FBLN2: variants seen among roughly 807,000 people sequenced by gnomAD.
FBLN2 encodes the protein fibulin 2.
A neutral mutation model predicts 123.7 loss-of-function variants in FBLN2; 81 were observed. That is an observed-to-expected ratio of 0.65 (90% confidence interval 0.55 to 0.79). FBLN2 has a LOEUF of 0.79. FBLN2 is among the 30% of genes least tolerant of loss of function. The probability of loss-of-function intolerance (pLI) is 0.00; values close to 1 mark genes in which losing one functional copy is unlikely to be tolerated. For synonymous variants in FBLN2, 699 were observed against 701.4 expected (o/e 1.00, Z 0.05); for missense variants, 1,603 against 1,681.3 (o/e 0.95, Z 0.81).
intron 2 of FBLN2, among the ~76,000 whole-genome samples, chr3:13,595,122 C>A (rs1050836101): frequency 2.1e-4 from 32 of 152,154 alleles, no homozygotes; most frequent in African/African-American, 7.5e-4. Context: ...AGGGAAGATA[C>A]CGTGGGTGCA....
chr3:13,592,362 A>G (rs942856518), intron 2 of FBLN2, among the ~76,000 whole-genome samples: 5 of 152,052 alleles, frequency 3.3e-5, no homozygotes, highest in Admixed American at 2.0e-4. Flanking sequence ...TCCATTATCT[A>G]TCTTTGCACC....
chr3:13,614,193 A>C, intron 5 of FBLN2, 29 bp downstream of exon 5: 1 of 1,600,292 alleles, frequency 6.2e-7, no homozygotes, highest in African/African-American at 1.3e-5. Flanking sequence ...TGGCTGCGGC[A>C]TATAGGGCGA....
rs1192841911 is a variant in FBLN2, at chr3:13,637,761, C to T, written c.3538C>T (p.Arg1180Cys). 2 of 1,613,936 alleles carry T rather than the reference C, an allele frequency of 1.2e-6. No individual in the cohort carries two copies. The highest frequency in any genetic ancestry group is 1.7e-5 in the Admixed American group (1 of 60,028). Residue 1180 changes from arginine to cysteine, a missense_variant, in exon 18 of 18, where the codon CGC becomes TGC. Arg to Cys is a radical substitution (Grantham distance 180). Transcript: ENST00000404922. ...CAATGAGGAGGGCTACTTTGGCACG[C>T]GCAGGCTCAATGCCTACACGGGTGT... ...KGNEEGYFGT[R>C]RLNAYTGVVY...
At chr3:13,560,751 T>G (rs1194187482) in intron 1 of FBLN2, among the ~76,000 whole-genome samples, 1 of 152,224 alleles carries the variant, frequency 6.6e-6, no homozygotes, top group Non-Finnish European at 1.5e-5. Flanking sequence ...CTTCTCTGGC[T>G]TTTGTTTCCT....
At chr3:13,602,798 T>C (rs1705075790) in intron 2 of FBLN2, among the ~76,000 whole-genome samples, 1 of 152,234 alleles carries the variant, frequency 6.6e-6, no homozygotes, top group Non-Finnish European at 1.5e-5. Context: ...ATTCTAATAC[T>C]TTGTGAGTTT....
chr3:13,593,094 G>C (rs1206868579), intron 2 of FBLN2, among the ~76,000 whole-genome samples: 1 of 152,218 alleles, frequency 6.6e-6, no homozygotes, highest in African/African-American at 2.4e-5. Context: ...TAGTCACGAG[G>C]TCAGCCCAGA....
intron 4 of FBLN2, among the ~76,000 whole-genome samples, chr3:13,610,335 G>A (rs9863413): frequency 0.21 from 32,331 of 152,084 alleles, 4,234 homozygotes; most frequent in African/African-American, 0.37. Context: ...GACCCCATGG[G>A]GAGTTTGAGG....
intron 16 of FBLN2, 28 bp downstream of exon 16, chr3:13,631,485 C>A (rs572552516): frequency 3.8e-5 from 59 of 1,564,844 alleles, no homozygotes; most frequent in Non-Finnish European, 5.1e-5. Flanking sequence ...CACGCCCCCG[C>A]CTCCATCAGG....
chr3:13,621,683 T>C (rs1705855875), intron 8 of FBLN2, 92 bp from the exon 9 acceptor site: 10 of 1,428,396 alleles, frequency 7.0e-6, no homozygotes, highest in Admixed American at 3.7e-5. Context: ...CCCTGCCCCT[T>C]GCTGGGTCTC....
At chr3:13,577,860 A>G (rs1704200423) in intron 2 of FBLN2, among the ~76,000 whole-genome samples, 1 of 152,230 alleles carries the variant, frequency 6.6e-6, no homozygotes, top group Admixed American at 6.5e-5. Context: ...CATCTGTCAG[A>G]AACAGCAAGT....
In FBLN2 at chr3:13,627,887, G is replaced by A. The variant is rs1285244288; in HGVS notation, c.2487G>A (p.Gln829=). 6.2e-7 allele frequency: 1 copy of A among 1,613,730 alleles called. No homozygotes were observed. The highest frequency in any genetic ancestry group is 8.5e-7 in the Non-Finnish European group (1 of 1,179,858). The change falls in exon 11 of 18, where the codon CAG becomes CAA. Residue 829 remains glutamine (Q), a synonymous_variant. Coordinates refer to ENST00000404922, the MANE Select transcript of FBLN2 (RefSeq NM_001004019.2). ...THTCQPGFLC[Q]NTKGSFYCQA... ...CCTGCCAGCCGGGCTTCTTGTGCCA[G>A]AACACCAAGGGCTCCTTCTACTGCC...
chr3:13,627,782 A>C, intron 10 of FBLN2, 50 bp from the exon 11 acceptor site: 1 of 1,568,890 alleles, frequency 6.4e-7, no homozygotes, highest in Non-Finnish European at 8.6e-7. Context: ...TGCTGAGTGT[A>C]AAGGCAGGAC....
chr3:13,603,698 C>A (rs181513958), intron 2 of FBLN2, among the ~76,000 whole-genome samples: 322 of 152,204 alleles, frequency 2.1e-3, no homozygotes, highest in Non-Finnish European at 3.8e-3. Context: ...AGTAAATATA[C>A]GTGTGCATGT....
At position 13,549,149 on chromosome 3, in the gene FBLN2, C is replaced by G. The variant is rs1246729187; in HGVS notation, c.-101C>G. On this transcript the variant is annotated 5_prime_UTR_variant, in exon 1 of 18. Coordinates refer to ENST00000404922, the MANE Select transcript of FBLN2 (RefSeq NM_001004019.2). ...CGCACACAGCCAGGGGCCGCCCGGG[C>G]TCTCGACGCGCCGACGGCCGGGCGG... The G allele has an allele frequency of 1.0e-6, 1 of 982,878 alleles. No individual in the cohort carries two copies. Among genetic ancestry groups the G allele is most frequent in the Admixed American group, 6.2e-5 (1 of 16,068 alleles). 60.9% of individuals were successfully genotyped at this position (982,878 alleles called of 1,614,324 possible).
At chr3:13,636,260 T>C (rs917013549) in intron 16 of FBLN2, among the ~76,000 whole-genome samples, 185 bp from the exon 17 acceptor site, 3 of 152,170 alleles carry the variant, frequency 2.0e-5, no homozygotes, top group East Asian at 1.9e-4. Flanking sequence ...ATTGACACTT[T>C]AGAGCCAGGC....
chr3:13,603,804 A>G (rs1275401429), intron 2 of FBLN2, among the ~76,000 whole-genome samples: 1 of 152,230 alleles, frequency 6.6e-6, no homozygotes, highest in Non-Finnish European at 1.5e-5. Flanking sequence ...TCCCTGAGCA[A>G]TCGCCATACT....
intron 5 of FBLN2, among the ~76,000 whole-genome samples, chr3:13,614,580 A>ATCCATCCATCCG (rs1263265135): frequency 8.0e-5 from 11 of 138,134 alleles, no homozygotes; most frequent in African/African-American, 3.1e-4. Flanking sequence ...TCATCTGTCC[A>ATCCATCCATCCG]TCCATCCATC....
Position 13,609,505 on chromosome 3 carries a change from T to C in FBLN2, c.1419-8T>C. ...CGACTGGGGGCTAAGTTACCCCCTC[T>C]GTTTCAGGACAGCCCAGAGGCACTG... On this transcript the variant is annotated splice_region_variant and splice_polypyrimidine_tract_variant and intron_variant, in intron 3 of 17. Coordinates refer to ENST00000404922, the MANE Select transcript of FBLN2 (RefSeq NM_001004019.2). 1.3e-6 allele frequency: 2 copies of C among 1,536,820 alleles called. No homozygotes were observed. The highest frequency in any genetic ancestry group is 1.8e-6 in the Non-Finnish European group (2 of 1,140,658).
chr3:13,635,731 C>T (rs532849271), intron 16 of FBLN2, among the ~76,000 whole-genome samples: 33 of 152,252 alleles, frequency 2.2e-4, no homozygotes, highest in East Asian at 3.9e-4. Flanking sequence ...AAGTATTGAG[C>T]GCTGCTCCAT....
Sources: allele counts gnomAD v4.1 joint callset (sites outside exome capture counted in the v4.1 genomes callset), GRCh38; gene constraint gnomAD v4.1.1; transcripts MANE v1.5; gene names NCBI Gene and HGNC (gene_info 2026-07-23, HGNC 2026-07-21).